Variants in BMPR2 observed in about 807,000 individuals in gnomAD.
BMPR2 encodes bone morphogenetic protein receptor type-2.
In BMPR2, 29 loss-of-function variants were observed where a neutral mutation model predicts 100.8. The observed-to-expected ratio is 0.29, with a 90% confidence interval of 0.21 to 0.39. The LOEUF is 0.39. Ranked by LOEUF, BMPR2 falls within the 10% of genes least tolerant of loss-of-function variation. The pLI is 1.00. For synonymous variants in BMPR2, 382 were observed against 442.3 expected, an observed-to-expected ratio of 0.86 and a Z score of 1.71; for missense variants, 1,011 against 1,274.5, an observed-to-expected ratio of 0.79 and a Z score of 3.15.
At chr2:202,394,748 A>G (rs953988663) in intron 1 of BMPR2, among the ~76,000 whole-genome samples, 18 of 152,122 alleles carry the variant, frequency 1.2e-4, no homozygotes, top group African/African-American at 3.9e-4. Flanking sequence ...TTTTTCATAT[A>G]TTTATGAAAA....
intron 1 of BMPR2, among the ~76,000 whole-genome samples, chr2:202,403,634 T>TATC (rs1690817960): frequency 6.6e-6 from 1 of 152,230 alleles, no homozygotes; most frequent in African/African-American, 2.4e-5. Flanking sequence ...GTTCAGATTC[T>TATC]TTAGATTTCA....
chr2:202,440,488 C>T lies in BMPR2; in HGVS notation c.77-24321C>T, dbSNP rs1258063644. ...GGCGCTCCTCACTTCCCAGACTGGG[C>T]GGCCAGGCAGAGGGGCTCCTCACAT... On this transcript the variant is annotated intron_variant, in intron 1 of 12. Coordinates refer to ENST00000374580, the MANE Select transcript of BMPR2 (RefSeq NM_001204.7). Among the ~76,000 whole-genome samples the T allele has an allele frequency of 1.3e-5, 2 of 148,826 alleles. 1 individual carries two copies. The highest frequency in any genetic ancestry group is 5.1e-5 in the African/African-American group (2 of 38,846).
At chr2:202,525,177 T>C (rs1687886468) in intron 7 of BMPR2, among the ~76,000 whole-genome samples, 1 of 152,008 alleles carries the variant, frequency 6.6e-6, no homozygotes, top group Non-Finnish European at 1.5e-5. Context: ...TACATAGTAG[T>C]GTATATATTT....
At chr2:202,398,941 C>A (rs1295647299) in intron 1 of BMPR2, among the ~76,000 whole-genome samples, 1 of 151,970 alleles carries the variant, frequency 6.6e-6, no homozygotes, top group Non-Finnish European at 1.5e-5. Context: ...TCAGTGTGAT[C>A]AACATTGAGA....
Position 202,501,339 on chromosome 2 carries a change from ATACTC to A in BMPR2, c.419-12377_419-12373del, listed in dbSNP as rs1442791186. On this transcript the variant is annotated intron_variant, in intron 3 of 12. Coordinates refer to ENST00000374580, the MANE Select transcript of BMPR2 (RefSeq NM_001204.7). ...TACAGCGAGATAGCCAGGCTCCTCT[ATACTC>A]TAATCAAGGAAACCCAGAAGGCAAA... 3.3e-5 allele frequency among the ~76,000 whole-genome samples: 5 copies of A among 152,302 alleles called. No homozygotes were observed. The South Asian group carries it at 8.3e-4, about 25-fold the overall frequency.
Position 202,464,795 on chromosome 2 carries a change from T to C in BMPR2, c.77-14T>C, listed in dbSNP as rs757551343. ...ATTAAATAATTTGTCATTCCTTTAT[T>C]TCCTTTATTTTAGCTTCGCAGAATC... On this transcript the variant is annotated splice_polypyrimidine_tract_variant and intron_variant, in intron 1 of 12. Transcript: ENST00000374580. 2.6e-5 allele frequency: 42 copies of C among 1,604,956 alleles called. No homozygotes were observed. The highest frequency in any genetic ancestry group is 6.0e-6 in the Non-Finnish European group (7 of 1,176,198).
At chr2:202,494,967 C>A (rs1453116065) in intron 3 of BMPR2, among the ~76,000 whole-genome samples, 1 of 152,146 alleles carries the variant, frequency 6.6e-6, no homozygotes, top group Non-Finnish European at 1.5e-5. Flanking sequence ...GTGTGGCTCA[C>A]TTCTTAAGTG....
At chr2:202,403,016 T>C (rs1321846544) in intron 1 of BMPR2, among the ~76,000 whole-genome samples, 6 of 151,202 alleles carry the variant, frequency 4.0e-5, no homozygotes, top group Non-Finnish European at 8.8e-5. Flanking sequence ...TTAGTAGAGA[T>C]GGGATTTCTC....
At chr2:202,548,888 A>G (rs1688421998) in intron 10 of BMPR2, among the ~76,000 whole-genome samples, 1 of 152,224 alleles carries the variant, frequency 6.6e-6, no homozygotes, top group Non-Finnish European at 1.5e-5. Flanking sequence ...TTAAAGAGCT[A>G]TAATTGATAA....
At chr2:202,385,053 A>G (rs905431172) in intron 1 of BMPR2, among the ~76,000 whole-genome samples, 1 of 152,236 alleles carries the variant, frequency 6.6e-6, no homozygotes, top group Non-Finnish European at 1.5e-5. Flanking sequence ...AAAATGTGTT[A>G]ATGATAAGTG....
chr2:202,474,629 C>T (rs2105968170), intron 3 of BMPR2: 1 of 152,356 alleles, frequency 6.6e-6, no homozygotes, highest in East Asian at 1.9e-4. Flanking sequence ...CGCCATTCTC[C>T]TGCCTCAGCC....
At position 202,443,921 on chromosome 2, in the gene BMPR2, A is replaced by G. The variant is rs1026323686; in HGVS notation, c.77-20888A>G. Among the ~76,000 whole-genome samples, 2 of 150,360 alleles carry G rather than the reference A, an allele frequency of 1.3e-5. 1 individual carries two copies. Among genetic ancestry groups the G allele is most frequent in the African/African-American group, 5.0e-5 (2 of 39,734 alleles). ...ATGGAGGAGCCATATGTGCATTGTA[A>G]GATTTTGCCAGCATCCTTGACAAAT... On this transcript the variant is annotated intron_variant, in intron 1 of 12. Coordinates refer to ENST00000374580, the MANE Select transcript of BMPR2 (RefSeq NM_001204.7).
intron 1 of BMPR2, among the ~76,000 whole-genome samples, chr2:202,379,407 A>C (rs562268781): frequency 6.6e-6 from 1 of 152,344 alleles, no homozygotes; most frequent in East Asian, 1.9e-4. Flanking sequence ...GTGCGCCCTC[A>C]CATACCACAT....
At chr2:202,378,760 C>T (rs1285434343) in intron 1 of BMPR2, among the ~76,000 whole-genome samples, 1 of 152,018 alleles carries the variant, frequency 6.6e-6, no homozygotes, top group East Asian at 1.9e-4. Context: ...ATTGTAGTTG[C>T]TTTCAGAGTA....
rs1217873097 is a variant in BMPR2 at position 202,563,231 on chromosome 2, A to G, written c.*3285A>G. 1 of 152,190 alleles carries G rather than the reference A, an allele frequency of 6.6e-6. No homozygotes were observed. The highest frequency in any genetic ancestry group is 6.5e-5 in the Admixed American group (1 of 15,280). 9.4% of individuals were successfully genotyped at this position (152,190 alleles called of 1,614,324 possible). A position where few individuals can be genotyped will look rare whatever the true frequency, so the allele number is the denominator to read the frequency against. ...GGTGGATCATGAGGTCAGACGTTCA[A>G]CACCAGCCTGGCCAAGATGGTGAAA... On this transcript the variant is annotated 3_prime_UTR_variant, in exon 13 of 13. Transcript: ENST00000374580.
rs186119737 is a variant in BMPR2 at position 202,562,778 on chromosome 2, C to T, written c.*2832C>T. On this transcript the variant is annotated 3_prime_UTR_variant, in exon 13 of 13. Transcript: ENST00000374580. ...CACTGAAAGAACTTGATTTGAATTA[C>T]GTTTAGACAAAAATGATTTAATTGT... is the stretch of plus-strand genomic sequence containing the variant. 7.2e-5 allele frequency: 11 copies of T among 151,806 alleles called. No individual in the cohort carries two copies. In the East Asian group the frequency reaches 1.9e-3, roughly 27 times the overall value. 9.4% of individuals were successfully genotyped at this position (151,806 alleles called of 1,614,324 possible). A position where few individuals can be genotyped will look rare whatever the true frequency, so the allele number is the denominator to read the frequency against.
At position 202,562,207 on chromosome 2, in the gene BMPR2, CAGAAGAGTTAT is replaced by C. The variant is rs1688688359; in HGVS notation, c.*2262_*2272del. 6.6e-6 allele frequency: 1 copy of C among 152,332 alleles called. No homozygotes were observed. Among genetic ancestry groups the C allele is most frequent in the African/African-American group, 2.4e-5 (1 of 41,410 alleles). The allele number at this position is 152,332 out of a possible 1,614,324, so 9.4% of individuals were successfully genotyped here. ...TGAGGTCTAACTGATCTTTTCCTGC[CAGAAGAGTTAT>C]CTTACGTTCTGCTATATTTGTATTT... On this transcript the variant is annotated 3_prime_UTR_variant, in exon 13 of 13. Coordinates refer to ENST00000374580, the MANE Select transcript of BMPR2 (RefSeq NM_001204.7).
rs562062962 is a variant in BMPR2 at position 202,538,780 on chromosome 2, C to T, written c.1277-3531C>T. Among the ~76,000 whole-genome samples, 12 of 126,090 alleles carry T rather than the reference C, an allele frequency of 9.5e-5. No homozygotes were observed. In the East Asian group the frequency reaches 1.7e-3, roughly 18 times the overall value. 82.7% of individuals were successfully genotyped at this position (126,090 alleles called of 152,430 possible). A position where few individuals can be genotyped will look rare whatever the true frequency, so the allele number is the denominator to read the frequency against. ...CCGCACTCCAGCCTGGGTGACAAAG[C>T]GAGACTCTGTCTCAAAAAAAAAAAA... On this transcript the variant is annotated intron_variant, in intron 9 of 12. Coordinates refer to ENST00000374580, the MANE Select transcript of BMPR2 (RefSeq NM_001204.7).
rs566812894 is a variant in BMPR2, at chr2:202,410,571, CCTAT to C, written c.76+33029_76+33032del. Among the ~76,000 whole-genome samples the C allele has an allele frequency of 2.9e-3, 436 of 152,168 alleles. 3 individuals are homozygous for C. Among genetic ancestry groups the C allele is most frequent in the Admixed American group, 0.025 (388 of 15,262 alleles). ...AATATAAACAAGGGAGAAAGGACAG[CCTAT>C]CTATCTAGCTAGCTAGCTATCTGAG... On this transcript the variant is annotated intron_variant, in intron 1 of 12. Transcript: ENST00000374580.
Sources: allele counts gnomAD v4.1 joint callset (sites outside exome capture counted in the v4.1 genomes callset), GRCh38; gene constraint gnomAD v4.1.1; transcripts MANE v1.5; gene names NCBI Gene and HGNC (gene_info 2026-07-23, HGNC 2026-07-21).